TENM2: variants seen among roughly 807,000 people sequenced by gnomAD.
The protein encoded by TENM2 is teneurin-2.
In TENM2, 52 loss-of-function variants were observed where a neutral mutation model predicts 245.2. The observed-to-expected ratio is 0.21, with a 90% CI of 0.17 to 0.27. The LOEUF (loss-of-function observed/expected upper bound fraction) is 0.27. Ranked by LOEUF, TENM2 falls within the 10% of genes least tolerant of loss-of-function variation. TENM2 has a pLI of 1.00. For synonymous variants in TENM2, 1,363 were observed against 1,438.9 expected, an observed-to-expected ratio of 0.95 and a Z score of 1.19; for missense variants, 3,046 against 3,666.8, an observed-to-expected ratio of 0.83 and a Z score of 4.37.
intron 2 of TENM2, among the ~76,000 whole-genome samples, chr5:167,690,982 G>A (rs1267964428): frequency 6.7e-6 from 1 of 150,304 alleles, no homozygotes; most frequent in Non-Finnish European, 1.5e-5. Context: ...GAGAGAGAGA[G>A]GAATATAAGC....
chr5:167,666,644 T>C (rs1755596729), intron 2 of TENM2, among the ~76,000 whole-genome samples: 1 of 152,290 alleles, frequency 6.6e-6, no homozygotes, highest in South Asian at 2.1e-4. Flanking sequence ...TCTTCATATA[T>C]TACTAGCTTT....
In TENM2 at chr5:168,204,352, C is replaced by T. The variant is rs774863676; in HGVS notation, c.3575-20C>T. The T allele has an allele frequency of 1.2e-6, 2 of 1,606,610 alleles. No individual in the cohort carries two copies. Among genetic ancestry groups the T allele is most frequent in the Non-Finnish European group, 1.7e-6 (2 of 1,174,822 alleles). On this transcript the variant is annotated intron_variant, in intron 18 of 28. Coordinates refer to ENST00000518659, the Ensembl canonical transcript of TENM2. ...CCCCAGAGGGCTTCAGTAACCCCTC[C>T]CATTCTCCAACCCCCACAGGAATCC...
In TENM2 at chr5:167,859,707, C is replaced by G. The variant is rs758864873; in HGVS notation, c.503-16279C>G. Among the ~76,000 whole-genome samples the G allele has an allele frequency of 4.9e-3, 493 of 101,592 alleles. 2 individuals are homozygous for G. The highest frequency in any genetic ancestry group is 8.1e-3 in the Middle Eastern group (1 of 124). 66.6% of individuals were successfully genotyped at this position (101,592 alleles called of 152,430 possible). On this transcript the variant is annotated intron_variant, in intron 2 of 28. Transcript: ENST00000518659. ...GGAAGTGAGGAGCCCCTCTGCCCGG[C>G]CAGCCGCCCCGTCCGGGAGGGAGGT...
At chr5:167,967,426 C>A (rs753088664) in intron 4 of TENM2, among the ~76,000 whole-genome samples, 1 of 152,120 alleles carries the variant, frequency 6.6e-6, no homozygotes, top group East Asian at 1.9e-4. Flanking sequence ...AAGAAACAAG[C>A]ATTACATCTT....
chr5:168,046,863 G>A (rs2152035212), intron 5 of TENM2, among the ~76,000 whole-genome samples: 1 of 152,284 alleles, frequency 6.6e-6, no homozygotes, highest in Non-Finnish European at 1.5e-5. Context: ...CTAAAAGTTT[G>A]AAATAGTTAG....
At chr5:168,130,666 G>A (rs1325928595) in intron 12 of TENM2, among the ~76,000 whole-genome samples, 1 of 152,200 alleles carries the variant, frequency 6.6e-6, no homozygotes, top group African/African-American at 2.4e-5. Context: ...GGGAGGCTGA[G>A]GTAGACGGAC....
At chr5:167,802,899 A>G (rs1209925673) in intron 2 of TENM2, among the ~76,000 whole-genome samples, 1 of 152,152 alleles carries the variant, frequency 6.6e-6, no homozygotes, top group Non-Finnish European at 1.5e-5. Flanking sequence ...ATTTCCTAAG[A>G]TGCCAAATCT....
Position 167,876,265 on chromosome 5 carries a change from G to A in TENM2, c.712+70G>A, listed in dbSNP as rs1000583239. 74 of 1,314,972 alleles carry A rather than the reference G, an allele frequency of 5.6e-5. 1 individual carries two copies. Among genetic ancestry groups the A allele is most frequent in the Middle Eastern group, 3.6e-4 (2 of 5,520 alleles). The allele number at this position is 1,314,972 out of a possible 1,614,324, so 81.5% of individuals were successfully genotyped here. ...GACATTCTTGATTCTCCACCAAAAT[G>A]ACAATGCTGAAACAAGGGCTGGGGG... On this transcript the variant is annotated intron_variant, in intron 3 of 28. Transcript: ENST00000518659.
At chr5:167,712,821 A>T (rs1758998012) in intron 2 of TENM2, among the ~76,000 whole-genome samples, 1 of 152,206 alleles carries the variant, frequency 6.6e-6, no homozygotes, top group Non-Finnish European at 1.5e-5. Context: ...AAAAGAGTTA[A>T]CTTGCTCTAA....
Position 168,222,307 on chromosome 5 carries a change from G to A in TENM2, c.5108+3308G>A, listed in dbSNP as rs138889260. On this transcript the variant is annotated intron_variant, in intron 23 of 28. Transcript: ENST00000518659. Reference sequence around the variant, plus strand: ...AGCAGAGTCTGCCTTAGCAAACTTCGGGCTCAGAGGGGCAGAAAAACACAT... The same window carrying A: ...AGCAGAGTCTGCCTTAGCAAACTTCAGGCTCAGAGGGGCAGAAAAACACAT... Among the ~76,000 whole-genome samples, 608 of 152,260 alleles carry A rather than the reference G, an allele frequency of 4.0e-3. 5 individuals carry two copies. The highest frequency in any genetic ancestry group is 0.011 in the African/African-American group (477 of 41,562).
At chr5:168,008,696 C>G (rs753484421) in intron 5 of TENM2, among the ~76,000 whole-genome samples, 8 of 152,164 alleles carry the variant, frequency 5.3e-5, no homozygotes, top group Middle Eastern at 6.3e-3. Flanking sequence ...TGTCGACTAT[C>G]AAGACAAAGA....
chr5:167,034,938 G>A, the TENM2 span, among the ~76,000 whole-genome samples: 1 of 152,090 alleles, frequency 6.6e-6, no homozygotes, highest in Non-Finnish European at 1.5e-5. Flanking sequence ...GGGCCAAGCT[G>A]TATTTCCTTA....
chr5:167,126,399 T>C, the TENM2 span, among the ~76,000 whole-genome samples: 3 of 152,194 alleles, frequency 2.0e-5, no homozygotes, highest in Non-Finnish European at 4.4e-5. Flanking sequence ...AGATGTCCTT[T>C]CTATTTTCAT....
intron 2 of TENM2, among the ~76,000 whole-genome samples, chr5:167,547,242 C>T (rs182221335): frequency 3.3e-5 from 5 of 152,250 alleles, no homozygotes; most frequent in Admixed American, 1.3e-4. Context: ...CGTGCCACCA[C>T]GCCTGGCTAA....
intron 2 of TENM2, among the ~76,000 whole-genome samples, chr5:167,700,261 T>C (rs1209840258): frequency 6.6e-6 from 1 of 152,204 alleles, no homozygotes; most frequent in Non-Finnish European, 1.5e-5. Flanking sequence ...AATGTGAAGA[T>C]AGAGGTCATA....
chr5:167,409,846 C>A (rs1459990689), intron 2 of TENM2, among the ~76,000 whole-genome samples: 2 of 151,876 alleles, frequency 1.3e-5, no homozygotes, highest in Non-Finnish European at 2.9e-5. Flanking sequence ...AAATTGTTAA[C>A]ACTGATGATG....
the TENM2 span, among the ~76,000 whole-genome samples, chr5:167,242,545 C>T: frequency 1.3e-5 from 2 of 152,114 alleles, no homozygotes; most frequent in Admixed American, 6.6e-5. Context: ...AAGACCAACC[C>T]CTCCTGTTCC....
At chr5:168,103,246 A>G (rs1389300974) in intron 9 of TENM2, among the ~76,000 whole-genome samples, 10 of 152,220 alleles carry the variant, frequency 6.6e-5, no homozygotes, top group African/African-American at 2.4e-4. Flanking sequence ...GGACTTGCAG[A>G]CAAGCTGCAC....
chr5:167,827,629 G>GGGGC (rs1554126464), intron 2 of TENM2, among the ~76,000 whole-genome samples: 2 of 3,130 alleles, frequency 6.4e-4, no homozygotes, highest in Non-Finnish European at 1.7e-3. Context: ...CTAGGTGGGC[G>GGGGC]GGGGGGGGGG....
Sources: gnomAD v4.1 joint callset for allele counts (sites outside exome capture counted in the v4.1 genomes callset) on GRCh38, gnomAD v4.1.1 for gene constraint, MANE v1.5 for transcripts, NCBI Gene and HGNC (gene_info 2026-07-23, HGNC 2026-07-21) for gene names.